STAU1: variants seen among roughly 807,000 people sequenced by gnomAD.
STAU1 encodes the protein staufen double-stranded RNA binding protein 1, also known as double-stranded RNA-binding protein Staufen homolog 1.
STAU1 carries 13 observed loss-of-function variants against 62.9 expected under a neutral mutation model. The ratio of observed to expected loss-of-function variants is 0.21; its 90% CI spans 0.13 to 0.33. The LOEUF (loss-of-function observed/expected upper bound fraction) is 0.33. STAU1 is among the 10% of genes least tolerant of loss of function. The probability of loss-of-function intolerance (pLI) is 1.00; values close to 1 mark genes in which losing one functional copy is unlikely to be tolerated. For missense variants in STAU1, 571 were observed against 712.1 expected (o/e 0.80, Z 2.25); for synonymous variants, 269 against 265.1 (o/e 1.01, Z -0.14).
chr20:49,177,262 G>A (rs1030753234), intron 1 of STAU1, among the ~76,000 whole-genome samples: 1 of 151,442 alleles, frequency 6.6e-6, no homozygotes, highest in Non-Finnish European at 1.5e-5. Flanking sequence ...AAGGCCAGGT[G>A]TGATGGCTCA....
chr20:49,134,677 G>T, intron 6 of STAU1: 1 of 1,113,080 alleles, frequency 9.0e-7, no homozygotes, highest in Non-Finnish European at 1.4e-6. Flanking sequence ...AAGCTGATAG[G>T]ACCTTGATAT....
At chr20:49,149,329 A>AACAC (rs777336438) in intron 5 of STAU1, among the ~76,000 whole-genome samples, 1 of 150,068 alleles carries the variant, frequency 6.7e-6, no homozygotes, top group Non-Finnish European at 1.5e-5. Context: ...ACTGTCTCAA[A>AACAC]ACACACACAC....
At chr20:49,159,278 T>TC in intron 3 of STAU1, 1 of 420,034 alleles carries the variant, frequency 2.4e-6, no homozygotes, top group Non-Finnish European at 3.2e-6. Context: ...TTGGTTTTGA[T>TC]AGAACCAAAA....
At chr20:49,119,909 C>T in intron 9 of STAU1, 73 bp downstream of exon 9, 1 of 1,537,690 alleles carries the variant, frequency 6.5e-7, no homozygotes, top group Non-Finnish European at 8.8e-7. Context: ...TTGAAGCCTG[C>T]CCCTGGAGGT....
chr20:49,178,967 G>A (rs2093692430), intron 1 of STAU1, among the ~76,000 whole-genome samples: 2 of 148,798 alleles, frequency 1.3e-5, no homozygotes, highest in East Asian at 3.9e-4. Flanking sequence ...TGTAGTCCCA[G>A]CTACTCCAGA....
intron 1 of STAU1, among the ~76,000 whole-genome samples, chr20:49,181,388 G>A (rs2093722207): frequency 6.6e-6 from 1 of 152,074 alleles, no homozygotes; most frequent in South Asian, 2.1e-4. Context: ...CACTCCACTT[G>A]TAAAAAATTT....
the STAU1 span, among the ~76,000 whole-genome samples, chr20:49,199,550 T>C: frequency 6.6e-6 from 1 of 151,138 alleles, no homozygotes; most frequent in Non-Finnish European, 1.5e-5. Flanking sequence ...ATTCTTTATT[T>C]TTATTTTTAT....
the STAU1 span, among the ~76,000 whole-genome samples, chr20:49,194,739 T>G: frequency 6.6e-5 from 10 of 152,076 alleles, no homozygotes; most frequent in African/African-American, 2.4e-4. Flanking sequence ...CCACTACACC[T>G]GGCTTATTTT....
At chr20:49,173,016 T>C (rs2093616964) in intron 2 of STAU1, among the ~76,000 whole-genome samples, 1 of 151,980 alleles carries the variant, frequency 6.6e-6, no homozygotes, top group East Asian at 2.0e-4. Flanking sequence ...CTAATGTTTT[T>C]TGTATTTTTA....
Position 49,154,052 on chromosome 20 carries a change from T to A in STAU1, c.225A>T (p.Val75=), listed in dbSNP as rs1394534285. 4 of 1,608,976 alleles carry A rather than the reference T, an allele frequency of 2.5e-6. No individual in the cohort carries two copies. The part of the protein sequence containing the change: ...SAAAESITPT[V]ELNALCMKLG... ...GTTTCATGCACAGTGCATTTAGTTC[T>A]ACAGTAGGGGTTATGCTTTCTGCAA... The change falls in exon 4 of 14, where the codon GTA becomes GTT. Residue 75 remains valine (V), a synonymous_variant. Transcript: ENST00000371856.
At chr20:49,142,570 T>C (rs2093033352) in intron 5 of STAU1, among the ~76,000 whole-genome samples, 2 of 152,102 alleles carry the variant, frequency 1.3e-5, no homozygotes, top group African/African-American at 4.8e-5. Flanking sequence ...CTTCACAAGT[T>C]CAGATTCTGG....
In STAU1 at chr20:49,153,969, T is replaced by C. The variant is rs777319415; in HGVS notation, c.308A>G (p.Tyr103Cys). The change falls in exon 4 of 14, where the codon TAT (tyrosine) becomes TGT (cysteine). Residue 103 changes from tyrosine to cysteine, a missense_variant. Physicochemically the swap from Tyr to Cys is radical, Grantham distance 194 (BLOSUM62 -2). Around this residue, in one of 3 missense-constraint regions of STAU1, gnomAD observed 414 missense variants for 499.6 expected, o/e 0.83. Coordinates refer to ENST00000371856, the MANE Select transcript of STAU1 (RefSeq NM_017453.4). Reference sequence around the variant, plus strand: ...AGCACCTCCTCTCATGTTGTAGTTATAGGTGGACTGCATCCGAGAGTAAGG... The same window carrying C: ...AGCACCTCCTCTCATGTTGTAGTTACAGGTGGACTGCATCCGAGAGTAAGG... ...VDPYSRMQST[Y>C]NYNMRGGAYP... The C allele has an allele frequency of 3.7e-6, 6 of 1,611,528 alleles. No homozygotes were observed. In the African/African-American group the frequency reaches 4.0e-5, roughly 11 times the overall value.
intron 5 of STAU1, among the ~76,000 whole-genome samples, chr20:49,143,300 T>C (rs1055173414): frequency 2.6e-5 from 4 of 152,270 alleles, no homozygotes; most frequent in Admixed American, 1.3e-4. Flanking sequence ...CTAGGCAACA[T>C]TAAGAAAGAG....
intron 6 of STAU1, 114 bp from the exon 7 acceptor site, chr20:49,124,701 C>T: frequency 9.6e-7 from 1 of 1,046,724 alleles, no homozygotes; most frequent in Non-Finnish European, 1.4e-6. Context: ...AGGACAAGAC[C>T]TACTAAATGA....
chr20:49,210,787 T>G, the STAU1 span, among the ~76,000 whole-genome samples: 1 of 152,222 alleles, frequency 6.6e-6, no homozygotes, highest in African/African-American at 2.4e-5. Flanking sequence ...TTTTTCTTTT[T>G]AGAAATTATA....
rs541621022 is a variant in STAU1 at position 49,161,390 on chromosome 20, AAAG to A, written c.205+4604_205+4606del. On this transcript the variant is annotated intron_variant, in intron 3 of 13. Transcript: ENST00000371856. ...CTTTGACCCATTGGCAAGGATGAAA[AAAG>A]AAGCAACTTCAAAAATCTATAATCT... is the stretch of plus-strand genomic sequence containing the variant. 7.9e-3 allele frequency among the ~76,000 whole-genome samples: 1,207 copies of A among 152,340 alleles called. 9 individuals are homozygous for A. The highest frequency in any genetic ancestry group is 0.013 in the Non-Finnish European group (853 of 68,042).
the STAU1 span, among the ~76,000 whole-genome samples, chr20:49,199,499 G>A: frequency 6.6e-6 from 1 of 151,754 alleles, no homozygotes; most frequent in South Asian, 2.1e-4. Context: ...AAAGTGCTGG[G>A]ATTACAGGCC....
intron 8 of STAU1, among the ~76,000 whole-genome samples, chr20:49,121,014 C>T (rs548691715): frequency 1.3e-5 from 2 of 151,164 alleles, no homozygotes; most frequent in African/African-American, 2.4e-5. Context: ...AGGCTGGTCT[C>T]GAACCCCTGA....
At chr20:49,129,148 A>G (rs2092696314) in intron 6 of STAU1, among the ~76,000 whole-genome samples, 1 of 152,036 alleles carries the variant, frequency 6.6e-6, no homozygotes, top group Non-Finnish European at 1.5e-5. Flanking sequence ...ATATAAACCT[A>G]TATTTCATCA....
Sources: gnomAD v4.1 joint callset for allele counts (sites outside exome capture counted in the v4.1 genomes callset) on GRCh38, gnomAD v4.1.1 for gene constraint, gnomAD v4.1.1 regional missense constraint, MANE v1.5 for transcripts, NCBI Gene and HGNC (gene_info 2026-07-23, HGNC 2026-07-21) for gene names.